FER1L6: variants seen among roughly 807,000 people sequenced by gnomAD.
FER1L6 encodes the protein fer-1-like protein 6.
Under a neutral mutation model 219.2 loss-of-function variants are expected in FER1L6, and 177 were observed. The observed-to-expected ratio is 0.81, with a 90% CI of 0.71 to 0.91. FER1L6 has a LOEUF of 0.91. Among genes scored for constraint, FER1L6 ranks in the 40% least tolerant of loss-of-function variants. The pLI, the probability that FER1L6 is intolerant of heterozygous loss-of-function variation, is 0.00. For synonymous variants in FER1L6, 768 were observed against 824.3 expected (o/e 0.93, Z 1.17); for missense variants, 2,153 against 2,259.9 (o/e 0.95, Z 0.96).
chr8:124,068,827 T>C (rs2130860232), intron 28 of FER1L6, among the ~76,000 whole-genome samples: 1 of 152,302 alleles, frequency 6.6e-6, no homozygotes, highest in South Asian at 2.1e-4. Flanking sequence ...GCTGGATTTA[T>C]ATGTGCATGG....
chr8:124,063,346 G>A (rs889260377), intron 25 of FER1L6, among the ~76,000 whole-genome samples: 1 of 151,988 alleles, frequency 6.6e-6, no homozygotes, highest in African/African-American at 2.4e-5. Context: ...TATATTTTTA[G>A]TCTTGTTTAA....
chr8:124,117,029 C>T (rs1823276197), intron 39 of FER1L6, among the ~76,000 whole-genome samples: 1 of 152,172 alleles, frequency 6.6e-6, no homozygotes, highest in Non-Finnish European at 1.5e-5. Context: ...ATTATGGAAT[C>T]ATCTCATGTT....
chr8:124,030,983 A>G (rs558915483), intron 18 of FER1L6, among the ~76,000 whole-genome samples: 2 of 152,294 alleles, frequency 1.3e-5, no homozygotes, highest in African/African-American at 2.4e-5. Flanking sequence ...ATATTTATAT[A>G]TGGATGATCA....
chr8:123,890,790 T>C (rs1192492168), intron 1 of FER1L6, among the ~76,000 whole-genome samples: 1 of 147,506 alleles, frequency 6.8e-6, no homozygotes, highest in African/African-American at 2.5e-5. Flanking sequence ...GTATCAATTA[T>C]TAAGACTTAT....
chr8:124,049,677 C>A lies in FER1L6; in HGVS notation c.2795C>A (p.Pro932His), dbSNP rs769318501. ...VVKLADQDYE[P>H]PRLCYHPIFC... Reference sequence around the variant, plus strand: ...AAGCTGGCTGACCAGGACTATGAGCCCCCCAGGTTATGCTATCACCCCATC... The same window carrying A: ...AAGCTGGCTGACCAGGACTATGAGCACCCCAGGTTATGCTATCACCCCATC... Residue 932 changes from proline to histidine, a missense_variant, in exon 22 of 41, where the codon CCC becomes CAC. Physicochemically the swap from Pro to His is moderately conservative, Grantham distance 77. Coordinates refer to ENST00000522917, the MANE Select transcript of FER1L6 (RefSeq NM_001039112.2). 1.9e-6 allele frequency: 3 copies of A among 1,613,856 alleles called. No individual in the cohort carries two copies. The highest frequency in any genetic ancestry group is 2.7e-5 in the African/African-American group (2 of 74,878).
Position 123,975,278 on chromosome 8 carries a change from A to G in FER1L6, c.655A>G (p.Thr219Ala), listed in dbSNP as rs746954041. 6.2e-7 allele frequency: 1 copy of G among 1,611,892 alleles called. No homozygotes were observed. Among genetic ancestry groups the G allele is most frequent in the Non-Finnish European group, 8.5e-7 (1 of 1,178,854 alleles). ...TGATGTCTTGAAGACCAGCCCTAAA[A>G]CTTCTGACACCGAGGAGCCAATAGA... ...KGDVLKTSPK[T>A]SDTEEPIEKN... The change falls in exon 8 of 41, where the codon ACT becomes GCT. Residue 219 changes from threonine (T) to alanine (A), a missense_variant. By Grantham distance (58) the Thr-to-Ala change is moderately conservative. Transcript: ENST00000522917.
rs145082378 is a variant in FER1L6, at chr8:124,032,157, G to A, written c.2287-3120G>A. 5.2e-3 allele frequency among the ~76,000 whole-genome samples: 795 copies of A among 152,326 alleles called. 4 individuals are homozygous for A. The highest frequency in any genetic ancestry group is 0.018 in the African/African-American group (735 of 41,574). On this transcript the variant is annotated intron_variant, in intron 18 of 40. Coordinates refer to ENST00000522917, the MANE Select transcript of FER1L6 (RefSeq NM_001039112.2). ...AACACAAGGCCAGCCTGGCATGGTG[G>A]CTCATGCCTATAATCCCAGCACTTT...
At chr8:124,013,351 C>A in intron 14 of FER1L6, 80 bp from the exon 15 acceptor site, 1 of 736,998 alleles carries the variant, frequency 1.4e-6, no homozygotes, top group Non-Finnish European at 2.1e-6. Flanking sequence ...GCTGTTATTT[C>A]TAGTACATTA....
At chr8:123,870,357 T>C (rs1175994993) in intron 1 of FER1L6, among the ~76,000 whole-genome samples, 2 of 152,220 alleles carry the variant, frequency 1.3e-5, no homozygotes, top group Admixed American at 6.5e-5. Flanking sequence ...TGAATGTTTA[T>C]AGCAGATTTA....
intron 32 of FER1L6, among the ~76,000 whole-genome samples, chr8:124,081,137 C>T (rs537212444): frequency 7.7e-4 from 117 of 152,232 alleles, no homozygotes; most frequent in African/African-American, 2.1e-3. Context: ...ATAATGGGCT[C>T]GCATTCTCCT....
chr8:123,878,440 C>T (rs769332041), intron 1 of FER1L6, among the ~76,000 whole-genome samples: 6 of 152,182 alleles, frequency 3.9e-5, no homozygotes, highest in African/African-American at 1.2e-4. Flanking sequence ...AAGCTTCTGA[C>T]GTACCCATCA....
chr8:124,071,759 C>A, intron 31 of FER1L6, 128 bp downstream of exon 31: 2 of 1,217,656 alleles, frequency 1.6e-6, no homozygotes, highest in Non-Finnish European at 2.2e-6. Context: ...TGCCATAAGT[C>A]TATAATCAAG....
intron 17 of FER1L6, among the ~76,000 whole-genome samples, chr8:124,023,019 G>A (rs575019308): frequency 5.7e-4 from 86 of 152,122 alleles, no homozygotes; most frequent in Non-Finnish European, 7.8e-4. Context: ...GGGTTCAAGC[G>A]ATTCTTCTGC....
At chr8:124,096,124 G>A (rs964341170) in intron 35 of FER1L6, among the ~76,000 whole-genome samples, 14 of 152,208 alleles carry the variant, frequency 9.2e-5, no homozygotes, top group African/African-American at 3.4e-4. Flanking sequence ...ACCGCGTTGA[G>A]AGGGTAAACC....
chr8:124,071,883 C>G (rs543843645), intron 31 of FER1L6, among the ~76,000 whole-genome samples: 3 of 152,152 alleles, frequency 2.0e-5, no homozygotes, highest in African/African-American at 7.2e-5. Context: ...AGGGAGAGTG[C>G]GAGCTCTGAT....
At chr8:123,970,243 C>A in intron 6 of FER1L6, 146 bp downstream of exon 6, 1 of 733,908 alleles carries the variant, frequency 1.4e-6, no homozygotes, top group Non-Finnish European at 2.4e-6. Context: ...ACAGGCAGAA[C>A]TTGAAATCAC....
In FER1L6 at chr8:124,094,954, T is replaced by C. The variant is rs1453587586; in HGVS notation, c.4611T>C (p.Asp1537=). 1.2e-6 allele frequency: 2 copies of C among 1,614,138 alleles called. No homozygotes were observed. The highest frequency in any genetic ancestry group is 1.7e-6 in the Non-Finnish European group (2 of 1,179,960). Residue 1537 remains aspartate (D), a synonymous_variant, in exon 35 of 41, where the codon GAT becomes GAC. Transcript: ENST00000522917. ...LALKVLHSWE[D]IPEVGCRLVP... ...TCAAGGTTTTACACTCTTGGGAGGA[T>C]ATCCCGGAAGTCGGGTGTAGGCTGG...
At chr8:123,985,445 C>T (rs553114165) in intron 11 of FER1L6, 1 of 152,326 alleles carries the variant, frequency 6.6e-6, no homozygotes, top group East Asian at 1.9e-4. Context: ...AAGTTTGATT[C>T]TGGTCAGTGT....
At chr8:123,963,162 C>G (rs1815375993) in intron 2 of FER1L6, 116 bp from the exon 3 acceptor site, 1 of 1,339,470 alleles carries the variant, frequency 7.5e-7, no homozygotes, top group East Asian at 2.3e-5. Flanking sequence ...CAGAGTCTGT[C>G]TTCTAGTCTC....
Sources: gnomAD v4.1 joint callset for allele counts (sites outside exome capture counted in the v4.1 genomes callset) on GRCh38, gnomAD v4.1.1 for gene constraint, MANE v1.5 for transcripts, NCBI Gene and HGNC (gene_info 2026-07-23, HGNC 2026-07-21) for gene names.